SFI1: variants seen among roughly 807,000 people sequenced by gnomAD.
SFI1 encodes the protein protein SFI1 homolog.
In SFI1, 195 loss-of-function variants were observed where a neutral mutation model predicts 207.5. The observed-to-expected ratio is 0.94, with a 90% CI of 0.84 to 1.06. SFI1 has a LOEUF of 1.06. Among genes scored for constraint, SFI1 ranks in the 50% least tolerant of loss-of-function variants. SFI1 has a pLI of 0.00. For missense variants in SFI1, 1,634 were observed against 1,588.0 expected (o/e 1.03, Z -0.49); for synonymous variants, 630 against 598.9 (o/e 1.05, Z -0.76).
intron 10 of SFI1, among the ~76,000 whole-genome samples, chr22:31,576,843 T>C (rs898886907): frequency 1.3e-5 from 2 of 152,004 alleles, no homozygotes; most frequent in Non-Finnish European, 2.9e-5. Flanking sequence ...GGTTTCTCCA[T>C]GTTAGTCAGG....
intron 6 of SFI1, among the ~76,000 whole-genome samples, chr22:31,553,529 A>ATTTTTTTTTTTTTT (rs71202096): frequency 1.2e-5 from 1 of 82,652 alleles, no homozygotes; most frequent in Non-Finnish European, 2.4e-5. Context: ...TAATTTTTGT[A>ATTTTTTTTTTTTTT]TTTTTTTTTT....
In SFI1 at chr22:31,602,652, A is replaced by AT; in HGVS notation, c.1673dup (p.Met558IlefsTer144). 6.2e-7 allele frequency: 1 copy of AT among 1,614,156 alleles called. No homozygotes were observed. Among genetic ancestry groups the AT allele is most frequent in the Non-Finnish European group, 8.5e-7 (1 of 1,180,040 alleles). On this transcript the variant is annotated frameshift_variant, in exon 17 of 33. Coordinates refer to ENST00000400288, the MANE Select transcript of SFI1 (RefSeq NM_001007467.3). LOFTEE classifies it high-confidence loss of function. ...ACAGCTTCTGTATAGGTCTTGGTTC[A>AT]TGTGGCACCAGCAGGCAGCAGCACG...
In SFI1 at chr22:31,615,103, C is replaced by T. The variant is rs2071175243; in HGVS notation, c.3124C>T (p.Leu1042=). The T allele has an allele frequency of 6.2e-7, 1 of 1,606,036 alleles. No individual in the cohort carries two copies. Among genetic ancestry groups the T allele is most frequent in the South Asian group, 1.1e-5 (1 of 90,398 alleles). The change falls in exon 29 of 33, where the codon CTG becomes TTG. Residue 1042 remains leucine (L), a synonymous_variant. Coordinates refer to ENST00000400288, the MANE Select transcript of SFI1 (RefSeq NM_001007467.3). The part of the protein sequence containing the change: ...LGMAQPAAPS[L]TRPFLAEAPT... The stretch of plus-strand genomic sequence containing the variant: ...CATGGCTCAGCCAGCAGCCCCCTCC[C>T]TGACGCGGCCCTTCCTGGCAGAGGC...
At chr22:31,571,396 T>C (rs1217547578) in intron 8 of SFI1, among the ~76,000 whole-genome samples, 1 of 152,010 alleles carries the variant, frequency 6.6e-6, no homozygotes, top group Non-Finnish European at 1.5e-5. Context: ...CACTGCAGCC[T>C]CAACCTACCA....
intron 14 of SFI1, among the ~76,000 whole-genome samples, chr22:31,586,235 C>G (rs556910604): frequency 9.0e-4 from 137 of 152,222 alleles, no homozygotes; most frequent in East Asian, 4.3e-3. Context: ...GATGTCACCT[C>G]CTCCCCCAGG....
At position 31,618,130 on chromosome 22, in the gene SFI1, A is replaced by G; in HGVS notation, c.3528A>G (p.Gln1176=). The part of the protein sequence containing the change: ...TKQNLWSCRR[Q]ASSLRRWLEL... ...CACCCCTCAGGTCCTGTCGGCGGCAAGCGAGCAGCCTGCGCAGGTGGCTGG... is the reference window on the plus strand; with the variant it reads ...CACCCCTCAGGTCCTGTCGGCGGCAGGCGAGCAGCCTGCGCAGGTGGCTGG... The change falls in exon 32 of 33, where the codon CAA becomes CAG. Residue 1176 remains glutamine, a synonymous_variant. Coordinates refer to ENST00000400288, the MANE Select transcript of SFI1 (RefSeq NM_001007467.3). 1.9e-6 allele frequency: 3 copies of G among 1,578,792 alleles called. No homozygotes were observed. In the South Asian group the frequency reaches 3.5e-5, roughly 18 times the overall value.
intron 2 of SFI1, chr22:31,521,553 C>G (rs2057257403): frequency 6.6e-6 from 1 of 152,358 alleles, no homozygotes; most frequent in Non-Finnish European, 1.5e-5. Context: ...CACCTTTGTT[C>G]TGGCCTTTCC....
chr22:31,576,206 G>A (rs2145941786), intron 10 of SFI1, among the ~76,000 whole-genome samples: 2 of 152,088 alleles, frequency 1.3e-5, no homozygotes, highest in East Asian at 3.9e-4. Context: ...TGTATTTTTA[G>A]TAGAGACGGG....
chr22:31,509,865 G>T (rs915574927), intron 2 of SFI1, among the ~76,000 whole-genome samples: 11 of 152,086 alleles, frequency 7.2e-5, no homozygotes, highest in African/African-American at 2.7e-4. Context: ...AATGAATTTG[G>T]AAGTGTTCCT....
intron 6 of SFI1, 180 bp downstream of exon 6, chr22:31,550,528 C>A: frequency 1.8e-6 from 1 of 559,266 alleles, no homozygotes; most frequent in South Asian, 2.4e-5. Flanking sequence ...TATGATTGAT[C>A]CCTATGGTTT....
At chr22:31,519,061 T>G (rs1288928847) in intron 2 of SFI1, among the ~76,000 whole-genome samples, 2 of 152,106 alleles carry the variant, frequency 1.3e-5, no homozygotes, top group Non-Finnish European at 2.9e-5. Context: ...GCATAAAGAT[T>G]GAAGAAAAAA....
Position 31,589,532 on chromosome 22 carries a change from G to A in SFI1, c.1499G>A (p.Arg500His), listed in dbSNP as rs367598903. 27 of 1,613,840 alleles carry A rather than the reference G, an allele frequency of 1.7e-5. No individual in the cohort carries two copies. Among genetic ancestry groups the A allele is most frequent in the African/African-American group, 1.2e-4 (9 of 75,002 alleles). ...ACATGGAACAGACTCTGGCGATGGC[G>A]CCACCAGGAAAATGTCCTCAGTGCA... ...FHTWNRLWRW[R>H]HQENVLSARA... is the part of the protein sequence containing the mutation. Residue 500 changes from arginine (R) to histidine (H), a missense_variant, in exon 15 of 33, where the codon CGC (arginine) becomes CAC (histidine). Coordinates refer to ENST00000400288, the MANE Select transcript of SFI1 (RefSeq NM_001007467.3).
intron 3 of SFI1, among the ~76,000 whole-genome samples, chr22:31,530,171 CAAAAAAAAAA>C (rs1162482504): frequency 8.3e-4 from 10 of 12,102 alleles, no homozygotes; most frequent in African/African-American, 1.0e-3. Context: ...GACTCCATCT[CAAAAAAAAAA>C]AAAAAAAAAA....
At chr22:31,575,090 G>A (rs1336426143) in intron 9 of SFI1, 141 bp from the exon 10 acceptor site, 31 of 88,264 alleles carry the variant, frequency 3.5e-4, no homozygotes, top group Non-Finnish European at 5.1e-4. Context: ...TAGTGCGTGT[G>A]TGTGTGTGTG....
intron 1 of SFI1, among the ~76,000 whole-genome samples, chr22:31,504,538 C>G (rs1294440502): frequency 6.6e-6 from 1 of 152,186 alleles, no homozygotes; most frequent in Non-Finnish European, 1.5e-5. Flanking sequence ...CCACCATTTA[C>G]TTAAATCTTA....
At chr22:31,503,462 C>T (rs949781724) in intron 1 of SFI1, among the ~76,000 whole-genome samples, 18 of 152,052 alleles carry the variant, frequency 1.2e-4, no homozygotes, top group African/African-American at 3.6e-4. Context: ...GTCCTATAAT[C>T]GCTTCTGTCA....
Position 31,606,509 on chromosome 22 carries a change from G to A in SFI1, c.2157+79G>A, listed in dbSNP as rs1466241498. 5 of 1,189,702 alleles carry A rather than the reference G, an allele frequency of 4.2e-6. No individual in the cohort carries two copies. In the African/African-American group the frequency reaches 6.0e-5, roughly 14 times the overall value. 73.7% of individuals were successfully genotyped at this position (1,189,702 alleles called of 1,614,324 possible). ...GTGAGGGCGTGGGATGTAGGGGGTGGTGCCAGAGATTTGAACTGAATAAGG... is the reference window on the plus strand; with the variant it reads ...GTGAGGGCGTGGGATGTAGGGGGTGATGCCAGAGATTTGAACTGAATAAGG... On this transcript the variant is annotated intron_variant, in intron 21 of 32. Coordinates refer to ENST00000400288, the MANE Select transcript of SFI1 (RefSeq NM_001007467.3).
chr22:31,506,049 C>CTTT (rs1164240180), intron 1 of SFI1, among the ~76,000 whole-genome samples: 1 of 138,326 alleles, frequency 7.2e-6, no homozygotes. Context: ...GAAATCCTGT[C>CTTT]TTTTTTTTTT....
At chr22:31,613,007 T>G (rs1248512012) in intron 24 of SFI1, 135 bp from the exon 25 acceptor site, 11 of 834,170 alleles carry the variant, frequency 1.3e-5, no homozygotes, top group Non-Finnish European at 2.1e-5. Context: ...GGCACAAGGC[T>G]GGCCCTTCCT....
Sources: allele counts gnomAD v4.1 joint callset (sites outside exome capture counted in the v4.1 genomes callset), GRCh38; gene constraint gnomAD v4.1.1; transcripts MANE v1.5; gene names NCBI Gene and HGNC (gene_info 2026-07-23, HGNC 2026-07-21).